The following SAMD15 variants were observed in gnomAD, a reference collection of about 807,000 sequenced individuals.
SAMD15 encodes sterile alpha motif domain-containing protein 15.
A neutral mutation model predicts 50.5 loss-of-function variants in SAMD15; 37 were observed. The ratio of observed to expected loss-of-function variants is 0.73; its 90% CI spans 0.56 to 0.96. The LOEUF is 0.96. Among genes scored for constraint, SAMD15 ranks in the 40% least tolerant of loss-of-function variants. SAMD15 has a pLI of 0.00. For synonymous variants in SAMD15, 255 were observed against 282.8 expected (o/e 0.90, Z 0.99); for missense variants, 789 against 783.8 (o/e 1.01, Z -0.08).
At chr14:77,390,314 T>A (rs955122266) in intron 2 of SAMD15, among the ~76,000 whole-genome samples, 1 of 152,078 alleles carries the variant, frequency 6.6e-6, no homozygotes, top group African/African-American at 2.4e-5. Context: ...TAATTTTTTT[T>A]CTTAGTTACA....
Position 77,378,035 on chromosome 14 carries a change from T to C in SAMD15, c.617T>C (p.Leu206Pro). 1 of 1,613,936 alleles carries C rather than the reference T, an allele frequency of 6.2e-7. No individual in the cohort carries two copies. The highest frequency in any genetic ancestry group is 8.5e-7 in the Non-Finnish European group (1 of 1,180,002). Residue 206 changes from leucine to proline, a missense_variant, in exon 1 of 3, where the codon CTA (leucine) becomes CCA (proline). This residue lies in a region of SAMD15 where 770 missense variants were observed against 745.4 expected (regional missense o/e 1.03). Transcript: ENST00000216471. ...SLRVQHEETG[L>P]EPPEQTKQDF... The stretch of plus-strand genomic sequence containing the variant: ...AGAGTGCAACATGAAGAGACAGGTC[T>C]AGAGCCTCCAGAGCAGACCAAACAA...
Position 77,378,842 on chromosome 14 carries a change from A to G in SAMD15, c.1424A>G (p.His475Arg), listed in dbSNP as rs750056607. Reference sequence around the variant, plus strand: ...GAAAGTGAAGAATCAATTGGTACACATTATGAGTTTTTGCAACCACTCCAA... The same window carrying G: ...GAAAGTGAAGAATCAATTGGTACACGTTATGAGTTTTTGCAACCACTCCAA... Reference protein sequence around the residue: ...LRESEESIGTHYEFLQPLQKL... With the variant: ...LRESEESIGTRYEFLQPLQKL... Residue 475 changes from histidine to arginine, a missense_variant, in exon 1 of 3, where the codon CAT (histidine) becomes CGT (arginine). His to Arg is a conservative substitution (Grantham distance 29, BLOSUM62 0). Transcript: ENST00000216471. 6.2e-7 allele frequency: 1 copy of G among 1,614,060 alleles called. No homozygotes were observed. Among genetic ancestry groups the G allele is most frequent in the South Asian group, 1.1e-5 (1 of 91,020 alleles).
chr14:77,388,599 A>G (rs1176708321), intron 2 of SAMD15, among the ~76,000 whole-genome samples: 3 of 139,612 alleles, frequency 2.1e-5, no homozygotes, highest in African/African-American at 8.3e-5. Context: ...TTCTGTAGCA[A>G]TTTGTTTTTT....
At position 77,391,445 on chromosome 14, in the gene SAMD15, G is replaced by A; in HGVS notation, c.*201G>A. The A allele has an allele frequency of 2.2e-6, 1 of 445,868 alleles. No individual in the cohort carries two copies. The highest frequency in any genetic ancestry group is 3.9e-6 in the Non-Finnish European group (1 of 254,066). The allele number at this position is 445,868 out of a possible 1,614,324, so 27.6% of individuals were successfully genotyped here. A position where few individuals can be genotyped will look rare whatever the true frequency, so the allele number is the denominator to read the frequency against. On this transcript the variant is annotated 3_prime_UTR_variant, in exon 3 of 3. Transcript: ENST00000216471. ...CGATTCTCCTGTCTCAGCCTCCCGA[G>A]TAGCTGGGATTACAGGCATCCGCCA...
chr14:77,387,417 C>G (rs1428940455), intron 2 of SAMD15, among the ~76,000 whole-genome samples: 1 of 152,030 alleles, frequency 6.6e-6, no homozygotes, highest in Admixed American at 6.6e-5. Context: ...GCCTGATTGA[C>G]AGAGCGAGAC....
intron 2 of SAMD15, among the ~76,000 whole-genome samples, chr14:77,387,241 T>C (rs1894015350): frequency 1.3e-5 from 2 of 152,014 alleles, no homozygotes; most frequent in Non-Finnish European, 2.9e-5. Flanking sequence ...GAGACCAGCC[T>C]GGGCAATATA....
In SAMD15 at chr14:77,385,847, A is replaced by ATTTTT. The variant is rs370327770; in HGVS notation, c.1789-5147_1789-5143dup. Among the ~76,000 whole-genome samples the ATTTTT allele has an allele frequency of 1.6e-3, 204 of 131,016 alleles. 10 individuals are homozygous for ATTTTT. The highest frequency in any genetic ancestry group is 5.4e-3 in the African/African-American group (186 of 34,174). 86.0% of individuals were successfully genotyped at this position (131,016 alleles called of 152,430 possible). On this transcript the variant is annotated intron_variant, in intron 2 of 2. Coordinates refer to ENST00000216471, the MANE Select transcript of SAMD15 (RefSeq NM_001010860.4). ...CCTTTATTCCACCCCAACATCCTGG[A>ATTTTT]TTTTTTTTTTTTTTTTTTGAGGCAA...
rs1165352250 is a variant in SAMD15, at chr14:77,391,543, C to A, written c.*299C>A. On this transcript the variant is annotated 3_prime_UTR_variant, in exon 3 of 3. Transcript: ENST00000216471. ...ATGTTGGCCAGGCTGGTCTGAAACT[C>A]CTAACAGTTGATCTGCCCGCCGTGG... is the stretch of plus-strand genomic sequence containing the variant. 3 of 227,652 alleles carry A rather than the reference C, an allele frequency of 1.3e-5. No individual in the cohort carries two copies. The highest frequency in any genetic ancestry group is 4.6e-5 in the African/African-American group (2 of 43,872). 14.1% of individuals were successfully genotyped at this position (227,652 alleles called of 1,614,324 possible).
chr14:77,385,002 T>C (rs780098838), intron 2 of SAMD15, among the ~76,000 whole-genome samples: 9 of 151,944 alleles, frequency 5.9e-5, no homozygotes, highest in Non-Finnish European at 1.2e-4. Context: ...ACCAACATGG[T>C]GAAACCCTGT....
rs904762624 is a variant in SAMD15, at chr14:77,391,793, C to A, written c.*549C>A. On this transcript the variant is annotated 3_prime_UTR_variant, in exon 3 of 3. Coordinates refer to ENST00000216471, the MANE Select transcript of SAMD15 (RefSeq NM_001010860.4). ...CCTGAGCCGGGCAAGGTGGCTCACA[C>A]CTGTAATCCTAGCTCTTTGGGTGGC... Among the ~76,000 whole-genome samples, 1 of 152,134 alleles carries A rather than the reference C, an allele frequency of 6.6e-6. No homozygotes were observed. Among genetic ancestry groups the A allele is most frequent in the African/African-American group, 2.4e-5 (1 of 41,426 alleles).
In SAMD15 at chr14:77,379,092, C is replaced by T. The variant is rs140550468; in HGVS notation, c.1674C>T (p.Gly558=). ...EEVAEWISQL[G]FPQYKECFIT... is the part of the protein sequence containing the mutation. ...TTGCAGAGTGGATTAGCCAGCTAGG[C>T]TTCCCTCAATACAAGGTATACAAAA... Residue 558 remains glycine (G), a synonymous_variant, in exon 1 of 3, where the codon GGC becomes GGT. Transcript: ENST00000216471. 6 of 1,613,052 alleles carry T rather than the reference C, an allele frequency of 3.7e-6. No homozygotes were observed. The highest frequency in any genetic ancestry group is 2.7e-5 in the African/African-American group (2 of 74,982).
chr14:77,381,271 A>G (rs1251410943), intron 2 of SAMD15, among the ~76,000 whole-genome samples: 2 of 152,060 alleles, frequency 1.3e-5, no homozygotes, highest in East Asian at 1.9e-4. Flanking sequence ...CTGAGCATCA[A>G]TTTTCTAAAA....
chr14:77,390,671 C>T (rs966520333), intron 2 of SAMD15, among the ~76,000 whole-genome samples: 9 of 152,150 alleles, frequency 5.9e-5, no homozygotes, highest in African/African-American at 1.9e-4. Context: ...GGGCGGATCA[C>T]CTGAAGTCAA....
At chr14:77,389,213 A>T (rs1158164393) in intron 2 of SAMD15, among the ~76,000 whole-genome samples, 1 of 152,210 alleles carries the variant, frequency 6.6e-6, no homozygotes, top group Non-Finnish European at 1.5e-5. Flanking sequence ...TTCAAGTAAG[A>T]TCTGAGAAAC....
chr14:77,378,048 G>A lies in SAMD15; in HGVS notation c.630G>A (p.Glu210=). The A allele has an allele frequency of 6.2e-7, 1 of 1,613,746 alleles. No individual in the cohort carries two copies. Among genetic ancestry groups the A allele is most frequent in the Non-Finnish European group, 8.5e-7 (1 of 1,179,946 alleles). ...AAGAGACAGGTCTAGAGCCTCCAGA[G>A]CAGACCAAACAAGATTTTCCAAGTG... ...QHEETGLEPP[E]QTKQDFPSEK... Residue 210 remains glutamate, a synonymous_variant, in exon 1 of 3, where the codon GAG becomes GAA. Coordinates refer to ENST00000216471, the MANE Select transcript of SAMD15 (RefSeq NM_001010860.4).
rs540290294 is a variant in SAMD15, at chr14:77,379,706, T to C, written c.1689+599T>C. Among the ~76,000 whole-genome samples, 3 of 152,324 alleles carry C rather than the reference T, an allele frequency of 2.0e-5. No individual in the cohort carries two copies. The South Asian group carries it at 6.2e-4, about 32-fold the overall frequency. ...GTGCCCGGCCTTAGACCTCCTTTCA[T>C]AGAAAACTGTATTTTTAAGTAGACT... On this transcript the variant is annotated intron_variant, in intron 1 of 2. Coordinates refer to ENST00000216471, the MANE Select transcript of SAMD15 (RefSeq NM_001010860.4).
Position 77,391,297 on chromosome 14 carries a change from G to C in SAMD15, c.*53G>C. 4 of 1,117,586 alleles carry C rather than the reference G, an allele frequency of 3.6e-6. No individual in the cohort carries two copies. The highest frequency in any genetic ancestry group is 4.0e-6 in the Non-Finnish European group (3 of 758,314). 69.2% of individuals were successfully genotyped at this position (1,117,586 alleles called of 1,614,324 possible). On this transcript the variant is annotated 3_prime_UTR_variant, in exon 3 of 3. Transcript: ENST00000216471. ...GATCAAACTAAATTACTTGAGGGAA[G>C]AGGTATGGTCTTTTTTGGTTTTCTT...
chr14:77,382,643 C>CCTCT (rs61582733), intron 2 of SAMD15, among the ~76,000 whole-genome samples: 84,555 of 151,544 alleles, frequency 0.56, 26,084 homozygotes, highest in African/African-American at 0.83. Flanking sequence ...AACTGTATTG[C>CCTCT]CTAAGTGAAC....
chr14:77,380,132 A>G (rs1212177015), intron 1 of SAMD15, among the ~76,000 whole-genome samples: 1 of 152,192 alleles, frequency 6.6e-6, no homozygotes, highest in African/African-American at 2.4e-5. Context: ...AGTAAATTTA[A>G]GCTACTCAGG....
Sources: allele counts gnomAD v4.1 joint callset (sites outside exome capture counted in the v4.1 genomes callset), GRCh38; gene constraint gnomAD v4.1.1; regional missense constraint gnomAD v4.1.1; transcripts MANE v1.5; gene names NCBI Gene and HGNC (gene_info 2026-07-23, HGNC 2026-07-21).